The following MATCAP2 variants were observed in gnomAD, a reference collection of about 807,000 sequenced individuals.
MATCAP2 encodes the protein putative tyrosine carboxypeptidase MATCAP2.
the MATCAP2 span, among the ~76,000 whole-genome samples, chr7:36,328,627 T>G: frequency 2.6e-5 from 4 of 151,792 alleles, no homozygotes; most frequent in Non-Finnish European, 5.9e-5. Context: ...GCCTGTAATC[T>G]GAGCTACTTG....
the MATCAP2 span, among the ~76,000 whole-genome samples, chr7:36,364,893 G>T: frequency 6.6e-6 from 1 of 152,296 alleles, no homozygotes; most frequent in Non-Finnish European, 1.5e-5. Flanking sequence ...TTGTAAATTA[G>T]AGGCTTGCAT....
the MATCAP2 span, chr7:36,389,992 C>A: frequency 6.2e-7 from 1 of 1,614,112 alleles, no homozygotes; most frequent in Non-Finnish European, 8.5e-7. Context: ...TTTGAACCAC[C>A]GTTTCCATCG....
At chr7:36,328,015 G>C in the MATCAP2 span, among the ~76,000 whole-genome samples, 10 of 151,964 alleles carry the variant, frequency 6.6e-5, no homozygotes, top group Non-Finnish European at 1.5e-4. Context: ...TCTCTCACAG[G>C]TACTTATATT....
chr7:36,380,237 C>T, the MATCAP2 span, among the ~76,000 whole-genome samples: 2 of 152,136 alleles, frequency 1.3e-5, no homozygotes, highest in African/African-American at 2.4e-5. Flanking sequence ...TGATTGGGTT[C>T]TCATCTCTGA....
At chr7:36,386,186 T>C in the MATCAP2 span, among the ~76,000 whole-genome samples, 2 of 150,226 alleles carry the variant, frequency 1.3e-5, no homozygotes, top group African/African-American at 4.9e-5. Context: ...TGATATATGA[T>C]AAAAGTGGCA....
chr7:36,367,287 G>A, the MATCAP2 span: 46 of 1,032,594 alleles, frequency 4.5e-5, no homozygotes, highest in Non-Finnish European at 5.2e-5. Flanking sequence ...CCTGCGCGCC[G>A]CTGGGGGCGC....
At chr7:36,357,482 A>G in the MATCAP2 span, 7 of 1,613,860 alleles carry the variant, frequency 4.3e-6, no homozygotes, top group Non-Finnish European at 5.9e-6. Context: ...GTCTTTTAGC[A>G]CTCCCGAGGA....
At chr7:36,330,055 TTTTTA>T in the MATCAP2 span, among the ~76,000 whole-genome samples, 118,585 of 142,998 alleles carry the variant, frequency 0.83, 49,345 homozygotes, top group East Asian at 0.95. Flanking sequence ...TTTTTTTTTA[TTTTTA>T]TTTTATTTTA....
the MATCAP2 span, among the ~76,000 whole-genome samples, chr7:36,372,399 T>C: frequency 6.6e-6 from 1 of 152,248 alleles, no homozygotes; most frequent in African/African-American, 2.4e-5. Flanking sequence ...TCAGCGAAGT[T>C]TGAATGCTTT....
At chr7:36,357,209 T>A in the MATCAP2 span, 1 of 1,614,184 alleles carries the variant, frequency 6.2e-7, no homozygotes, top group South Asian at 1.1e-5. Flanking sequence ...AGAGATATCA[T>A]GTGTAAACTT....
At chr7:36,385,434 G>A in the MATCAP2 span, among the ~76,000 whole-genome samples, 1 of 152,160 alleles carries the variant, frequency 6.6e-6, no homozygotes. Flanking sequence ...GTGATATTGG[G>A]AGAGGAATAG....
the MATCAP2 span, chr7:36,336,254 T>G: frequency 6.5e-7 from 1 of 1,533,876 alleles, no homozygotes; most frequent in Non-Finnish European, 8.7e-7. Context: ...AAATTTTTCA[T>G]AACTTCCATA....
the MATCAP2 span, among the ~76,000 whole-genome samples, chr7:36,342,928 A>G: frequency 6.6e-6 from 1 of 152,174 alleles, no homozygotes; most frequent in Non-Finnish European, 1.5e-5. Flanking sequence ...GCCCAGCCAC[A>G]GATGAGTAAT....
chr7:36,373,470 G>C, the MATCAP2 span, among the ~76,000 whole-genome samples: 3 of 152,140 alleles, frequency 2.0e-5, no homozygotes, highest in Non-Finnish European at 4.4e-5. Flanking sequence ...AAGCCAAAAG[G>C]CCTGAGATAA....
the MATCAP2 span, chr7:36,326,997 T>A: frequency 8.0e-7 from 1 of 1,245,448 alleles, no homozygotes; most frequent in Non-Finnish European, 1.1e-6. Flanking sequence ...CCCTGGGCCT[T>A]AAATGAAAGT....
the MATCAP2 span, among the ~76,000 whole-genome samples, chr7:36,369,838 A>G: frequency 2.6e-4 from 40 of 152,290 alleles, 1 homozygote; most frequent in South Asian, 8.1e-3. Context: ...TAATTTCAAC[A>G]CTTCACTACA....
At chr7:36,337,375 A>G in the MATCAP2 span, among the ~76,000 whole-genome samples, 1 of 152,308 alleles carries the variant, frequency 6.6e-6, no homozygotes, top group African/African-American at 2.4e-5. Context: ...AATTATCAGT[A>G]TCTATGGGAA....
chr7:36,386,951 T>A, the MATCAP2 span, among the ~76,000 whole-genome samples: 1 of 152,164 alleles, frequency 6.6e-6, no homozygotes, highest in African/African-American at 2.4e-5. Context: ...AGGATAGTCA[T>A]GGCATCATGG....
At chr7:36,333,889 C>T in the MATCAP2 span, 27 of 1,613,770 alleles carry the variant, frequency 1.7e-5, no homozygotes, top group East Asian at 2.2e-5. Context: ...CCCCTCTTGG[C>T]CCGTACACAA....
Sources: gnomAD v4.1 joint callset for allele counts (sites outside exome capture counted in the v4.1 genomes callset) on GRCh38, gnomAD v4.1.1 for gene constraint, MANE v1.5 for transcripts, NCBI Gene and HGNC (gene_info 2026-07-23, HGNC 2026-07-21) for gene names.